Variants in PXDNL observed in about 807,000 individuals in gnomAD.
PXDNL encodes peroxidasin like, also known as probable oxidoreductase PXDNL.
Under a neutral mutation model 150.8 loss-of-function variants are expected in PXDNL, and 145 were observed. That is an observed-to-expected ratio of 0.96 (90% CI 0.84 to 1.10). The LOEUF (loss-of-function observed/expected upper bound fraction) is 1.10, where lower values mean the gene tolerates loss of function less well. Among genes scored for constraint, PXDNL ranks in the 50% least tolerant of loss-of-function variants. PXDNL has a pLI of 0.00. For synonymous variants in PXDNL, 757 were observed against 725.7 expected (o/e 1.04, Z -0.69); for missense variants, 2,087 against 1,873.9 (o/e 1.11, Z -2.10).
At chr8:51,694,076 A>G (rs899513430) in intron 1 of PXDNL, among the ~76,000 whole-genome samples, 13 of 152,186 alleles carry the variant, frequency 8.5e-5, no homozygotes, top group Non-Finnish European at 4.4e-5. Flanking sequence ...GGGAGGCAAC[A>G]TGTGTTAGCC....
intron 3 of PXDNL, among the ~76,000 whole-genome samples, chr8:51,569,830 C>T (rs2130588767): frequency 1.3e-5 from 2 of 152,068 alleles, no homozygotes; most frequent in South Asian, 4.1e-4. Flanking sequence ...ACCAATAACA[C>T]ATCAGAGATA....
intron 1 of PXDNL, among the ~76,000 whole-genome samples, chr8:51,773,341 G>A (rs34213209): frequency 0.18 from 27,226 of 152,148 alleles, 2,839 homozygotes; most frequent in Non-Finnish European, 0.22. Flanking sequence ...AGAGCATGAC[G>A]TGGGAAGCAT....
rs371179403 is a variant in PXDNL, at chr8:51,644,337, T to TACACAC, written c.236+10346_236+10351dup. The stretch of plus-strand genomic sequence containing the variant: ...ACATTTTTACATATATATATATATA[T>TACACAC]ACACACACACACACACACACACACA... On this transcript the variant is annotated intron_variant, in intron 2 of 22. Transcript: ENST00000356297. Among the ~76,000 whole-genome samples the TACACAC allele has an allele frequency of 3.6e-3, 179 of 50,192 alleles. 32 individuals carry two copies. The highest frequency in any genetic ancestry group is 0.017 in the East Asian group (26 of 1,562). 32.9% of individuals were successfully genotyped at this position (50,192 alleles called of 152,430 possible).
intron 2 of PXDNL, among the ~76,000 whole-genome samples, chr8:51,600,380 C>G (rs977364169): frequency 1.7e-5 from 2 of 117,256 alleles, no homozygotes; most frequent in Non-Finnish European, 3.5e-5. Context: ...TAAATTATAT[C>G]GTTTAGATAA....
intron 2 of PXDNL, among the ~76,000 whole-genome samples, chr8:51,646,859 G>T (rs554422816): frequency 1.8e-4 from 28 of 152,122 alleles, no homozygotes; most frequent in Non-Finnish European, 3.5e-4. Context: ...CACTGCCTGG[G>T]AGAGAAAGGA....
chr8:51,391,559 C>T (rs1316260653), intron 17 of PXDNL, among the ~76,000 whole-genome samples: 5 of 152,134 alleles, frequency 3.3e-5, no homozygotes, highest in East Asian at 1.9e-4. Flanking sequence ...AGTGTCTGTT[C>T]GTGTCCTTCA....
intron 1 of PXDNL, among the ~76,000 whole-genome samples, chr8:51,749,147 T>C (rs1269715776): frequency 6.6e-6 from 1 of 152,192 alleles, no homozygotes; most frequent in East Asian, 1.9e-4. Context: ...ACTAATTATG[T>C]AGTACAAGGA....
At chr8:51,617,438 T>C (rs1342723807) in intron 2 of PXDNL, among the ~76,000 whole-genome samples, 1 of 152,242 alleles carries the variant, frequency 6.6e-6, no homozygotes, top group Non-Finnish European at 1.5e-5. Flanking sequence ...GCTTTTCTGT[T>C]AAATGCTATA....
At chr8:51,464,879 A>T (rs896976827) in intron 8 of PXDNL, among the ~76,000 whole-genome samples, 1 of 152,156 alleles carries the variant, frequency 6.6e-6, no homozygotes, top group Non-Finnish European at 1.5e-5. Context: ...TAACAATAAT[A>T]ATGATAATGA....
At chr8:51,382,069 C>A (rs1807566227) in intron 17 of PXDNL, among the ~76,000 whole-genome samples, 1 of 152,104 alleles carries the variant, frequency 6.6e-6, no homozygotes, top group Admixed American at 6.5e-5. Flanking sequence ...GATCTCCTGA[C>A]CTTGTGATCT....
chr8:51,786,057 T>G (rs2037457746), intron 1 of PXDNL, among the ~76,000 whole-genome samples: 1 of 152,096 alleles, frequency 6.6e-6, no homozygotes, highest in South Asian at 2.1e-4. Context: ...CCATCCCCGC[T>G]TCAAGGACAC....
rs758775492 is a variant in PXDNL, at chr8:51,409,574, C to G, written c.2063-13G>C. On this transcript the variant is annotated splice_polypyrimidine_tract_variant and intron_variant, in intron 16 of 22. Transcript: ENST00000356297. ...TTGTACCGGAATTCTGAAAGGCAAG[C>G]GGCGAAAGCCGTGAGGAGGGCGGGC... is the stretch of plus-strand genomic sequence containing the variant. 7 of 1,538,728 alleles carry G rather than the reference C, an allele frequency of 4.5e-6. No homozygotes were observed. Among genetic ancestry groups the G allele is most frequent in the East Asian group, 5.0e-5 (2 of 40,196 alleles).
At chr8:51,694,493 G>A (rs1470875393) in intron 1 of PXDNL, among the ~76,000 whole-genome samples, 3 of 152,218 alleles carry the variant, frequency 2.0e-5, no homozygotes, top group Non-Finnish European at 4.4e-5. Context: ...CACATTTACA[G>A]TAACCCTTCA....
chr8:51,323,281 T>C (rs1805382472), intron 21 of PXDNL, among the ~76,000 whole-genome samples: 1 of 152,134 alleles, frequency 6.6e-6, no homozygotes, highest in Non-Finnish European at 1.5e-5. Context: ...TTTGCTTTTT[T>C]TGTTTTGTTT....
At chr8:51,734,740 A>C (rs79993693) in intron 1 of PXDNL, among the ~76,000 whole-genome samples, 2,332 of 152,324 alleles carry the variant, frequency 0.015, 53 homozygotes, top group African/African-American at 0.051. Context: ...CTCCAAGGAA[A>C]ATTAAAAGAC....
intron 4 of PXDNL, among the ~76,000 whole-genome samples, chr8:51,522,713 G>A (rs781555948): frequency 8.6e-5 from 13 of 152,012 alleles, no homozygotes; most frequent in African/African-American, 1.2e-4. Context: ...GCATTGTGGT[G>A]CATGCCTGTA....
intron 19 of PXDNL, among the ~76,000 whole-genome samples, chr8:51,358,276 G>T (rs560426406): frequency 6.6e-6 from 1 of 152,302 alleles, no homozygotes; most frequent in East Asian, 1.9e-4. Context: ...AAGACAGGAG[G>T]GGGCTAGCTG....
chr8:51,431,854 C>T (rs1329527165), intron 12 of PXDNL, among the ~76,000 whole-genome samples: 1 of 152,176 alleles, frequency 6.6e-6, no homozygotes, highest in Non-Finnish European at 1.5e-5. Context: ...GCTGTATTGA[C>T]TGTGTTTTCC....
intron 21 of PXDNL, among the ~76,000 whole-genome samples, chr8:51,325,369 C>T (rs1805450786): frequency 6.6e-6 from 1 of 152,130 alleles, no homozygotes; most frequent in Admixed American, 6.5e-5. Context: ...AAGAGGGGTC[C>T]CACATCATTA....
Sources: allele counts gnomAD v4.1 joint callset (sites outside exome capture counted in the v4.1 genomes callset), GRCh38; gene constraint gnomAD v4.1.1; transcripts MANE v1.5; gene names NCBI Gene and HGNC (gene_info 2026-07-23, HGNC 2026-07-21).